DDX60: variants seen among roughly 807,000 people sequenced by gnomAD.
DDX60 encodes the protein DExD/H-box helicase 60.
In DDX60, 165 loss-of-function variants were observed where a neutral mutation model predicts 212.8. That is an observed-to-expected ratio of 0.78 (90% CI 0.68 to 0.88). The LOEUF (loss-of-function observed/expected upper bound fraction) is 0.88. DDX60 is among the 40% of genes least tolerant of loss of function. The probability of loss-of-function intolerance (pLI) is 0.00; values close to 1 mark genes in which losing one functional copy is unlikely to be tolerated. For missense variants in DDX60, 1,905 were observed against 2,003.9 expected, an observed-to-expected ratio of 0.95 and a Z score of 0.94; for synonymous variants, 703 against 685.3, an observed-to-expected ratio of 1.03 and a Z score of -0.40.
Position 168,255,830 on chromosome 4 carries a change from C to T in DDX60, c.3438G>A (p.Val1146=). Residue 1146 remains valine (V), a synonymous_variant, in exon 26 of 38, where the codon GTG becomes GTA. Transcript: ENST00000393743. ...CCTGCTTTTTCTTTAGGAAAGTGCT[C>T]ACACTTTCAGCTGCGTTTTCTACAG... ...LGAVENAAES[V]STFLKKKQET... The T allele has an allele frequency of 6.2e-7, 1 of 1,602,204 alleles. No individual in the cohort carries two copies.
intron 30 of DDX60, among the ~76,000 whole-genome samples, chr4:168,238,830 T>C (rs1436873881): frequency 1.3e-5 from 2 of 152,134 alleles, no homozygotes; most frequent in Non-Finnish European, 2.9e-5. Context: ...ATAATCAATG[T>C]GTAATAAGAC....
At chr4:168,243,034 C>T (rs1470762682) in intron 30 of DDX60, among the ~76,000 whole-genome samples, 1 of 152,184 alleles carries the variant, frequency 6.6e-6, no homozygotes, top group Non-Finnish European at 1.5e-5. Flanking sequence ...TTCCCTTGCA[C>T]AAGCTCTCTC....
intron 7 of DDX60, among the ~76,000 whole-genome samples, chr4:168,292,749 T>C (rs945417326): frequency 6.6e-6 from 1 of 152,164 alleles, no homozygotes. Flanking sequence ...CTTCAAACAT[T>C]TGCAGGGCTA....
chr4:168,316,987 G>A (rs1321131151), intron 1 of DDX60, among the ~76,000 whole-genome samples: 5 of 150,062 alleles, frequency 3.3e-5, no homozygotes, highest in African/African-American at 1.2e-4. Flanking sequence ...GAACCTGGGA[G>A]GCAGAGGTTG....
chr4:168,258,339 A>T (rs942956618), intron 25 of DDX60, among the ~76,000 whole-genome samples: 1 of 152,186 alleles, frequency 6.6e-6, no homozygotes, highest in African/African-American at 2.4e-5. Context: ...AACACAATTC[A>T]TGGGGGCAGA....
At chr4:168,302,884 A>C (rs666660) in intron 5 of DDX60, among the ~76,000 whole-genome samples, 65,971 of 151,730 alleles carry the variant, frequency 0.43, 15,566 homozygotes, top group African/African-American at 0.64. Context: ...CAGCCATTTT[A>C]AATATGCATT....
At chr4:168,313,015 G>T (rs551959361) in intron 1 of DDX60, among the ~76,000 whole-genome samples, 1 of 152,200 alleles carries the variant, frequency 6.6e-6, no homozygotes, top group South Asian at 2.1e-4. Flanking sequence ...CATTGTACTT[G>T]CTGAAACATA....
At chr4:168,245,571 G>C (rs572112157) in intron 30 of DDX60, among the ~76,000 whole-genome samples, 14 of 152,208 alleles carry the variant, frequency 9.2e-5, no homozygotes, top group African/African-American at 2.9e-4. Context: ...GGGAAATTTT[G>C]GTCTTAAAAA....
intron 13 of DDX60, 75 bp downstream of exon 13, chr4:168,283,359 AAAAGAAACCACC>A: frequency 8.4e-7 from 1 of 1,188,476 alleles, no homozygotes. Flanking sequence ...GCATTATATA[AAAAGAAACCACC>A]AAAGGGATAA....
intron 33 of DDX60, among the ~76,000 whole-genome samples, chr4:168,231,011 G>T (rs1386864656): frequency 6.6e-6 from 1 of 151,840 alleles, no homozygotes; most frequent in Non-Finnish European, 1.5e-5. Flanking sequence ...AAATGAAACA[G>T]AAGATATTAC....
chr4:168,229,154 G>A (rs1052961807), intron 33 of DDX60, among the ~76,000 whole-genome samples: 3 of 152,068 alleles, frequency 2.0e-5, no homozygotes, highest in Non-Finnish European at 4.4e-5. Context: ...TTTCAAAGAA[G>A]TAACTTGCCT....
chr4:168,235,046 T>A (rs1329164378), intron 33 of DDX60, among the ~76,000 whole-genome samples: 1 of 152,122 alleles, frequency 6.6e-6, no homozygotes, highest in African/African-American at 2.4e-5. Flanking sequence ...GCTGTTAAAT[T>A]TTCCAGTCCT....
intron 5 of DDX60, among the ~76,000 whole-genome samples, chr4:168,304,556 C>G (rs1488784641): frequency 1.3e-5 from 2 of 151,908 alleles, no homozygotes; most frequent in Admixed American, 1.3e-4. Context: ...CAAAAATTAG[C>G]TAGGCATGGT....
At chr4:168,239,341 G>A (rs1454640977) in intron 30 of DDX60, among the ~76,000 whole-genome samples, 1 of 151,836 alleles carries the variant, frequency 6.6e-6, no homozygotes, top group Admixed American at 6.6e-5. Context: ...TAGAAAGGTA[G>A]GTAGATAGCA....
At chr4:168,310,902 C>T in intron 3 of DDX60, 96 bp downstream of exon 3, 1 of 685,016 alleles carries the variant, frequency 1.5e-6, no homozygotes, top group South Asian at 2.0e-5. Context: ...CTACATTGTT[C>T]AATGGTCAAC....
At chr4:168,278,936 A>G (rs1036841445) in intron 14 of DDX60, among the ~76,000 whole-genome samples, 2 of 152,200 alleles carry the variant, frequency 1.3e-5, no homozygotes, top group Admixed American at 6.5e-5. Context: ...GAAAGAAAGG[A>G]TACCATCCAA....
In DDX60 at chr4:168,245,338, C is replaced by T. The variant is rs72971502; in HGVS notation, c.4164+1080G>A. 6.7e-3 allele frequency among the ~76,000 whole-genome samples: 1,019 copies of T among 152,170 alleles called. 11 individuals carry two copies. The highest frequency in any genetic ancestry group is 0.023 in the African/African-American group (946 of 41,532). ...TAAAACATTAAATGCCAGAAGGCAACGGAAACAATCTTAGTTTGATTTGAT... is the reference window on the plus strand; with the variant it reads ...TAAAACATTAAATGCCAGAAGGCAATGGAAACAATCTTAGTTTGATTTGAT... On this transcript the variant is annotated intron_variant, in intron 30 of 37. Coordinates refer to ENST00000393743, the MANE Select transcript of DDX60 (RefSeq NM_017631.6).
chr4:168,251,490 T>C (rs1734218390), intron 27 of DDX60, among the ~76,000 whole-genome samples: 1 of 152,228 alleles, frequency 6.6e-6, no homozygotes, highest in African/African-American at 2.4e-5. Context: ...TTACCCTATG[T>C]GGTCCGGGAA....
At chr4:168,276,262 A>T in intron 14 of DDX60, 81 bp from the exon 15 acceptor site, 1 of 1,191,318 alleles carries the variant, frequency 8.4e-7, no homozygotes, top group Non-Finnish European at 1.2e-6. Context: ...AATCATCTAG[A>T]TGGCCTCACT....
Sources: gnomAD v4.1 joint callset for allele counts (sites outside exome capture counted in the v4.1 genomes callset) on GRCh38, gnomAD v4.1.1 for gene constraint, MANE v1.5 for transcripts, NCBI Gene and HGNC (gene_info 2026-07-23, HGNC 2026-07-21) for gene names.